Variants in GNG2 observed in about 807,000 individuals in gnomAD.
GNG2 encodes the protein G protein subunit gamma 2.
GNG2 carries 5 observed loss-of-function variants against 5.5 expected under a neutral mutation model. The observed-to-expected ratio is 0.91, with a 90% CI of 0.48 to 1.92. The LOEUF (loss-of-function observed/expected upper bound fraction) is 1.92, where lower values mean the gene tolerates loss of function less well. GNG2 is among the 30% of genes most tolerant of loss of function. The pLI is 0.01. For missense variants in GNG2, 55 were observed against 88.4 expected (o/e 0.62, Z 1.52); for synonymous variants, 28 against 32.0 (o/e 0.88, Z 0.42).
At chr14:51,833,513 A>G (rs548318033) in intron 2 of GNG2, among the ~76,000 whole-genome samples, 1 of 152,334 alleles carries the variant, frequency 6.6e-6, no homozygotes, top group African/African-American at 2.4e-5. Context: ...ATATATAATA[A>G]TAACATTTGC....
intron 2 of GNG2, among the ~76,000 whole-genome samples, chr14:51,891,696 C>A (rs1884864308): frequency 6.6e-6 from 1 of 152,290 alleles, no homozygotes; most frequent in Middle Eastern, 3.4e-3. Flanking sequence ...GGATTTTTAA[C>A]CAACATTATG....
intron 2 of GNG2, among the ~76,000 whole-genome samples, chr14:51,829,838 ACTT>A (rs1027940298): frequency 9.8e-5 from 12 of 121,832 alleles, no homozygotes; most frequent in African/African-American, 2.9e-4. Flanking sequence ...ATCACTCCCT[ACTT>A]CTTCTTTTTT....
At chr14:51,836,774 A>G (rs1253447476) in intron 2 of GNG2, among the ~76,000 whole-genome samples, 1 of 152,034 alleles carries the variant, frequency 6.6e-6, no homozygotes, top group Non-Finnish European at 1.5e-5. Context: ...CAATAAAAAA[A>G]CCTTAATGCT....
At chr14:51,964,077 G>A (rs1190283181) in intron 3 of GNG2, among the ~76,000 whole-genome samples, 1 of 152,124 alleles carries the variant, frequency 6.6e-6, no homozygotes, top group East Asian at 1.9e-4. Context: ...CTGGTGAGAT[G>A]GGAAATTTGG....
rs371774807 is a variant in GNG2 at position 51,907,110 on chromosome 14, C to G, written c.-30+29453C>G. ...CTTTATCACTAAGCCACGCTGGCAG[C>G]ACAGGCATGACGGCTCCTGGATTTT... On this transcript the variant is annotated intron_variant, in intron 2 of 3. Transcript: ENST00000556766. Among the ~76,000 whole-genome samples the G allele has an allele frequency of 5.9e-5, 9 of 152,228 alleles. No homozygotes were observed. In the South Asian group the frequency reaches 1.2e-3, roughly 21 times the overall value.
At chr14:51,884,646 C>G in intron 2 of GNG2, among the ~76,000 whole-genome samples, 2 of 152,196 alleles carry the variant, frequency 1.3e-5, no homozygotes, top group South Asian at 4.2e-4. Flanking sequence ...GGGTGCAGAC[C>G]GAAGATCTGG....
chr14:51,882,225 C>T (rs1286154834), intron 2 of GNG2, among the ~76,000 whole-genome samples: 2 of 152,136 alleles, frequency 1.3e-5, no homozygotes, highest in African/African-American at 4.8e-5. Flanking sequence ...GTACTAAATA[C>T]CATTGAATTG....
At chr14:51,946,412 A>G (rs1225831236) in intron 2 of GNG2, among the ~76,000 whole-genome samples, 2 of 152,256 alleles carry the variant, frequency 1.3e-5, no homozygotes, top group African/African-American at 2.4e-5. Context: ...GCAAATTCCA[A>G]TGAATATATA....
At chr14:51,935,429 A>G (rs906353169) in intron 2 of GNG2, among the ~76,000 whole-genome samples, 8 of 152,070 alleles carry the variant, frequency 5.3e-5, no homozygotes, top group Admixed American at 2.0e-4. Flanking sequence ...CTTTTATTTC[A>G]CACACTCCCA....
At chr14:51,965,946 C>T (rs1200937904) in intron 3 of GNG2, among the ~76,000 whole-genome samples, 3 of 151,982 alleles carry the variant, frequency 2.0e-5, no homozygotes, top group East Asian at 1.9e-4. Context: ...CAGTGGCTCA[C>T]GTCTGTAATC....
chr14:51,852,063 C>T (rs8021633), intron 2 of GNG2, among the ~76,000 whole-genome samples: 49,562 of 151,938 alleles, frequency 0.33, 8,989 homozygotes, highest in Non-Finnish European at 0.42. Flanking sequence ...AATATTTTAA[C>T]GGTAAATAAA....
intron 3 of GNG2, among the ~76,000 whole-genome samples, chr14:51,960,286 T>C (rs76479238): frequency 0.011 from 1,703 of 152,302 alleles, 14 homozygotes; most frequent in Non-Finnish European, 0.018. Flanking sequence ...ATTTTATTCA[T>C]TGTATTTTTC....
intron 2 of GNG2, chr14:51,917,326 G>A (rs1301961389): frequency 4.4e-6 from 2 of 455,872 alleles, no homozygotes; most frequent in Non-Finnish European, 8.8e-6. Context: ...TTCCATAGCT[G>A]TACTTACTGA....
chr14:51,856,394 T>C (rs1356887720), upstream of GNG2, among the ~76,000 whole-genome samples: 1 of 152,188 alleles, frequency 6.6e-6, no homozygotes, highest in Non-Finnish European at 1.5e-5. Context: ...CCTACAGAGA[T>C]ACAAATAAAG....
intron 1 of GNG2, among the ~76,000 whole-genome samples, chr14:51,869,141 G>A (rs1883131608): frequency 6.6e-6 from 1 of 152,194 alleles, no homozygotes; most frequent in Non-Finnish European, 1.5e-5. Context: ...CAAGAATTAA[G>A]TTGAGAATGA....
At chr14:51,921,031 C>T (rs1181492751) in intron 2 of GNG2, among the ~76,000 whole-genome samples, 1 of 152,172 alleles carries the variant, frequency 6.6e-6, no homozygotes, top group Non-Finnish European at 1.5e-5. Context: ...CTCATTCTTT[C>T]TCCTATAAAA....
chr14:51,839,291 C>T (rs1429336125), intron 2 of GNG2, among the ~76,000 whole-genome samples: 1 of 152,148 alleles, frequency 6.6e-6, no homozygotes, highest in Non-Finnish European at 1.5e-5. Context: ...GGTGGGTCAA[C>T]TTGAAGCAGG....
chr14:51,842,188 T>A (rs1232473978), intron 2 of GNG2, among the ~76,000 whole-genome samples: 1 of 152,234 alleles, frequency 6.6e-6, no homozygotes, highest in Non-Finnish European at 1.5e-5. Context: ...TATGAGACTA[T>A]TGTCCTGATA....
At chr14:51,847,295 G>A (rs1401296910) in intron 2 of GNG2, 1 of 152,242 alleles carries the variant, frequency 6.6e-6, no homozygotes, top group African/African-American at 2.4e-5. Context: ...TCTCTGCAGC[G>A]TCTGTAGAGG....
Sources: allele counts gnomAD v4.1 joint callset (sites outside exome capture counted in the v4.1 genomes callset), GRCh38; gene constraint gnomAD v4.1.1; transcripts MANE v1.5; gene names NCBI Gene and HGNC (gene_info 2026-07-23, HGNC 2026-07-21).